The following SOS1 variants were observed in gnomAD, a reference collection of about 807,000 sequenced individuals.
The protein encoded by SOS1 is son of sevenless homolog 1.
Under a neutral mutation model 157.6 loss-of-function variants are expected in SOS1, and 25 were observed. The observed-to-expected ratio is 0.16, with a 90% CI of 0.12 to 0.22. The LOEUF is 0.22. SOS1 is among the 10% of genes least tolerant of loss of function. SOS1 has a pLI of 1.00. For synonymous variants in SOS1, 528 were observed against 534.0 expected (o/e 0.99, Z 0.16); for missense variants, 1,237 against 1,599.1 (o/e 0.77, Z 3.86).
chr2:39,104,677 T>A (rs1461026935), intron 1 of SOS1, among the ~76,000 whole-genome samples: 2 of 152,204 alleles, frequency 1.3e-5, no homozygotes, highest in Non-Finnish European at 2.9e-5. Context: ...CACTGCAGTA[T>A]CCAGTTTAGC....
chr2:39,054,933 G>C lies in SOS1; in HGVS notation c.511-110C>G, dbSNP rs552058590. The C allele has an allele frequency of 8.6e-4, 598 of 695,868 alleles. 5 individuals are homozygous for C. In the African/African-American group the frequency reaches 9.6e-3, roughly 11 times the overall value. The allele number at this position is 695,868 out of a possible 1,614,324, so 43.1% of individuals were successfully genotyped here. On this transcript the variant is annotated intron_variant, in intron 4 of 22. Coordinates refer to ENST00000402219, the MANE Select transcript of SOS1 (RefSeq NM_005633.4). ...AAAGTTCTTAAATGATAAAAAAGCA[G>C]ACAAACAAATTTCTCTTCTTGGATA...
In SOS1 at chr2:39,120,599, C is replaced by G; in HGVS notation, c.-177G>C. 1.6e-6 allele frequency: 1 copy of G among 643,086 alleles called. No individual in the cohort carries two copies. 39.8% of individuals were successfully genotyped at this position (643,086 alleles called of 1,614,324 possible). On this transcript the variant is annotated 5_prime_UTR_variant, in exon 1 of 23. Transcript: ENST00000402219. ...CGAGGGGGCTGGGGGGCGAGGCCCG[C>G]GCCTGGCCACCCACCCGACACAGGT...
intron 2 of SOS1, among the ~76,000 whole-genome samples, chr2:39,064,067 C>CA (rs1671504193): frequency 1.3e-5 from 2 of 152,112 alleles, no homozygotes; most frequent in South Asian, 4.1e-4. Context: ...CTCTTGGGCT[C>CA]AGGCAATCTG....
chr2:39,092,597 T>C (rs1387603862), intron 1 of SOS1, among the ~76,000 whole-genome samples: 2 of 152,244 alleles, frequency 1.3e-5, no homozygotes, highest in African/African-American at 2.4e-5. Context: ...CCTACCAGAA[T>C]GTAAGAGACT....
At chr2:39,032,798 C>G (rs1172914649) in intron 8 of SOS1, among the ~76,000 whole-genome samples, 1 of 152,038 alleles carries the variant, frequency 6.6e-6, no homozygotes, top group Non-Finnish European at 1.5e-5. Context: ...CCTGTCTCTA[C>G]TAAAAATACA....
rs369676215 is a variant in SOS1, at chr2:39,027,835, T to G, written c.1075-3698A>C. On this transcript the variant is annotated intron_variant, in intron 8 of 22. Coordinates refer to ENST00000402219, the MANE Select transcript of SOS1 (RefSeq NM_005633.4). ...ATCTAGGGAATCATATTATTATTTT[T>G]TTTTTTTTTTTGAGATGGAGTCTTG... Among the ~76,000 whole-genome samples, 6 of 151,874 alleles carry G rather than the reference T, an allele frequency of 4.0e-5. No homozygotes were observed. The East Asian group carries it at 9.6e-4, about 24-fold the overall frequency.
chr2:39,102,249 G>T (rs1424708820), intron 1 of SOS1, among the ~76,000 whole-genome samples: 1 of 141,506 alleles, frequency 7.1e-6, no homozygotes, highest in African/African-American at 2.6e-5. Flanking sequence ...TTGTCCCGGT[G>T]TGGTAGCTCA....
intron 2 of SOS1, 67 bp downstream of exon 2, chr2:39,067,561 G>C: frequency 7.0e-7 from 1 of 1,419,956 alleles, no homozygotes; most frequent in East Asian, 2.3e-5. Context: ...TTCTTTCCCT[G>C]TTCACTGACA....
intron 10 of SOS1, 76 bp downstream of exon 10, chr2:39,022,494 A>G: frequency 8.8e-7 from 1 of 1,142,612 alleles, no homozygotes; most frequent in Non-Finnish European, 1.3e-6. Context: ...TATTTTAGGC[A>G]CAATAAACCC....
intron 1 of SOS1, among the ~76,000 whole-genome samples, chr2:39,092,750 C>T (rs1040484986): frequency 6.6e-6 from 1 of 152,076 alleles, no homozygotes; most frequent in Non-Finnish European, 1.5e-5. Context: ...TGAAATTTTA[C>T]AAAACTAAAA....
chr2:39,035,277 A>G lies in SOS1; in HGVS notation c.1009T>C (p.Tyr337His), dbSNP rs2124562542. ...GCCAGAAGCAGCCTGGGTAAAACAT[A>G]TTGAACAGCTTCTTTGAAACCTTCG... ...IGEGFKEAVQYVLPRLLLAPV... is the reference protein window; with the variant it reads ...IGEGFKEAVQHVLPRLLLAPV... Residue 337 changes from tyrosine to histidine, a missense_variant, in exon 8 of 23, where the codon TAT becomes CAT. Physicochemically the swap from Tyr to His is moderately conservative, Grantham distance 83 (BLOSUM62 2). Coordinates refer to ENST00000402219, the MANE Select transcript of SOS1 (RefSeq NM_005633.4). 6.2e-7 allele frequency: 1 copy of G among 1,613,984 alleles called. No individual in the cohort carries two copies. The highest frequency in any genetic ancestry group is 2.2e-5 in the East Asian group (1 of 44,862).
chr2:39,016,491 A>T (rs1340601399), intron 10 of SOS1, among the ~76,000 whole-genome samples: 1 of 152,148 alleles, frequency 6.6e-6, no homozygotes, highest in Non-Finnish European at 1.5e-5. Flanking sequence ...TTTAATACAG[A>T]GATTTTTATC....
chr2:39,103,281 C>A (rs1006105164), intron 1 of SOS1, among the ~76,000 whole-genome samples: 3 of 152,098 alleles, frequency 2.0e-5, no homozygotes, highest in Admixed American at 1.3e-4. Flanking sequence ...ATTCCAAAAT[C>A]TTTTCTTGCA....
Position 39,117,821 on chromosome 2 carries a change from G to A in SOS1, c.87+2515C>T, listed in dbSNP as rs149063352. Among the ~76,000 whole-genome samples, 195 of 152,348 alleles carry A rather than the reference G, an allele frequency of 1.3e-3. 1 individual carries two copies. The highest frequency in any genetic ancestry group is 4.3e-3 in the African/African-American group (178 of 41,578). On this transcript the variant is annotated intron_variant, in intron 1 of 22. Transcript: ENST00000402219. ...AAATGAACATACAGGCTCTACCTGA[G>A]TGTGCACAGTAATACAAAGAAGCCA...
At chr2:39,088,329 T>C (rs570495540) in intron 1 of SOS1, among the ~76,000 whole-genome samples, 1 of 150,652 alleles carries the variant, frequency 6.6e-6, no homozygotes, top group Admixed American at 6.7e-5. Flanking sequence ...TTTTTTCAAC[T>C]GTGGTAAAAT....
chr2:39,047,448 A>C (rs1253831510), intron 6 of SOS1, among the ~76,000 whole-genome samples: 1 of 152,162 alleles, frequency 6.6e-6, no homozygotes, highest in Non-Finnish European at 1.5e-5. Context: ...ACGGTTTTCC[A>C]AAGTGGCTGT....
intron 10 of SOS1, among the ~76,000 whole-genome samples, chr2:39,021,531 A>G (rs1316039898): frequency 1.4e-5 from 2 of 144,462 alleles, no homozygotes; most frequent in African/African-American, 5.3e-5. Flanking sequence ...ACAGGAAAAA[A>G]AAAAAAAAAA....
chr2:39,074,486 C>G (rs1197573218), intron 1 of SOS1, among the ~76,000 whole-genome samples: 2 of 151,952 alleles, frequency 1.3e-5, no homozygotes, highest in Non-Finnish European at 2.9e-5. Context: ...ATTGCTTGAA[C>G]CCGAGAGGCA....
At chr2:39,098,764 C>G (rs374491750) in intron 1 of SOS1, among the ~76,000 whole-genome samples, 9 of 152,282 alleles carry the variant, frequency 5.9e-5, no homozygotes, top group African/African-American at 1.9e-4. Flanking sequence ...TGGCAGGCGC[C>G]TGTGGTCCCA....
Sources: allele counts gnomAD v4.1 joint callset (sites outside exome capture counted in the v4.1 genomes callset), GRCh38; gene constraint gnomAD v4.1.1; transcripts MANE v1.5; gene names NCBI Gene and HGNC (gene_info 2026-07-23, HGNC 2026-07-21).